Variants in ADAMTSL1 observed in about 807,000 individuals in gnomAD.
ADAMTSL1 encodes the protein ADAMTS-like protein 1.
In ADAMTSL1, 126 loss-of-function variants were observed where a neutral mutation model predicts 201.8. The observed-to-expected ratio is 0.62, with a 90% confidence interval of 0.54 to 0.72. The LOEUF (loss-of-function observed/expected upper bound fraction) is 0.72, where lower values mean the gene tolerates loss of function less well. Among genes scored for constraint, ADAMTSL1 ranks in the 30% least tolerant of loss-of-function variants. The probability of loss-of-function intolerance (pLI) is 0.00; values close to 1 mark genes in which losing one functional copy is unlikely to be tolerated. For missense variants in ADAMTSL1, 2,679 were observed against 2,277.8 expected (o/e 1.18, Z -3.59); for synonymous variants, 1,121 against 903.4 (o/e 1.24, Z -4.32).
chr9:18,084,644 C>T (rs967782595), intron 1 of ADAMTSL1, among the ~76,000 whole-genome samples: 3 of 152,074 alleles, frequency 2.0e-5, no homozygotes, highest in Admixed American at 6.6e-5. Flanking sequence ...TTACACCGTA[C>T]AGCTCAAGCT....
At chr9:17,952,000 T>C (rs1026721396) in intron 1 of ADAMTSL1, among the ~76,000 whole-genome samples, 4 of 152,056 alleles carry the variant, frequency 2.6e-5, no homozygotes, top group African/African-American at 9.7e-5. Context: ...TAGGTCTCAC[T>C]GTATTGCCCA....
At chr9:18,512,763 G>A (rs547187292) in intron 2 of ADAMTSL1, among the ~76,000 whole-genome samples, 6 of 152,206 alleles carry the variant, frequency 3.9e-5, no homozygotes, top group Middle Eastern at 6.8e-3. Flanking sequence ...TATTCTGGTA[G>A]CATCATTTTA....
chr9:18,774,385 T>C (rs1820863657), intron 17 of ADAMTSL1, among the ~76,000 whole-genome samples: 1 of 152,150 alleles, frequency 6.6e-6, no homozygotes, highest in African/African-American at 2.4e-5. Flanking sequence ...CAAACTGTTC[T>C]GTCCCATGCC....
chr9:18,477,791 G>C (rs1236943169), intron 1 of ADAMTSL1, among the ~76,000 whole-genome samples: 1 of 152,052 alleles, frequency 6.6e-6, no homozygotes, highest in Non-Finnish European at 1.5e-5. Flanking sequence ...GTTTACTCAG[G>C]CTCCTGTTTT....
At chr9:18,100,329 A>G (rs959058886) in intron 1 of ADAMTSL1, among the ~76,000 whole-genome samples, 2 of 152,102 alleles carry the variant, frequency 1.3e-5, no homozygotes, top group African/African-American at 2.4e-5. Context: ...CACCCAGGCT[A>G]GAGTACAGTG....
At chr9:18,227,320 C>T (rs916937289) in intron 2 of ADAMTSL1, among the ~76,000 whole-genome samples, 5 of 151,944 alleles carry the variant, frequency 3.3e-5, no homozygotes, top group African/African-American at 9.7e-5. Context: ...AAATCAGATA[C>T]CCTACCCCAA....
intron 23 of ADAMTSL1, among the ~76,000 whole-genome samples, chr9:18,852,404 G>C (rs1425561912): frequency 6.6e-6 from 1 of 152,254 alleles, no homozygotes; most frequent in East Asian, 1.9e-4. Flanking sequence ...GGTAGTACTT[G>C]CTCTTGCCCC....
At chr9:18,422,260 G>T (rs1442772419) in intron 2 of ADAMTSL1, among the ~76,000 whole-genome samples, 3 of 152,084 alleles carry the variant, frequency 2.0e-5, no homozygotes, top group Admixed American at 6.5e-5. Context: ...TTTGGATGAG[G>T]TTCCTAAAAG....
At chr9:18,510,661 T>C (rs1202132301) in intron 2 of ADAMTSL1, among the ~76,000 whole-genome samples, 1 of 152,008 alleles carries the variant, frequency 6.6e-6, no homozygotes, top group Non-Finnish European at 1.5e-5. Context: ...CTTTACTAAT[T>C]TTGTAAGGTT....
chr9:18,102,901 C>A (rs1483097160), intron 1 of ADAMTSL1, among the ~76,000 whole-genome samples: 1 of 152,088 alleles, frequency 6.6e-6, no homozygotes, highest in Admixed American at 6.6e-5. Context: ...GAGGGTCAGT[C>A]AGAGAGGGAA....
At chr9:18,017,721 A>G (rs77743893) in intron 1 of ADAMTSL1, among the ~76,000 whole-genome samples, 2,539 of 152,074 alleles carry the variant, frequency 0.017, 31 homozygotes, top group Non-Finnish European at 0.027. Flanking sequence ...GCTACGTTTC[A>G]ATTTAGGTAA....
At chr9:18,033,289 G>T (rs548751709) in intron 1 of ADAMTSL1, among the ~76,000 whole-genome samples, 5 of 152,172 alleles carry the variant, frequency 3.3e-5, no homozygotes, top group Non-Finnish European at 7.4e-5. Flanking sequence ...CATCTAATGG[G>T]TGTATTAATT....
At chr9:18,433,319 C>T (rs964301640) in intron 2 of ADAMTSL1, among the ~76,000 whole-genome samples, 36 of 152,000 alleles carry the variant, frequency 2.4e-4, no homozygotes, top group Non-Finnish European at 4.3e-4. Context: ...TGCGTTCTTT[C>T]CCCTAAAAGA....
chr9:18,444,507 C>T (rs1820114896), intron 2 of ADAMTSL1, among the ~76,000 whole-genome samples: 1 of 152,128 alleles, frequency 6.6e-6, no homozygotes, highest in Admixed American at 6.6e-5. Flanking sequence ...TAACATTTCA[C>T]TAGACTCTAC....
chr9:18,503,980 ATGTG>A (rs57749719), intron 1 of ADAMTSL1, among the ~76,000 whole-genome samples: 6 of 148,030 alleles, frequency 4.1e-5, no homozygotes, highest in South Asian at 2.2e-4. Flanking sequence ...ATGTGCATGC[ATGTG>A]TGTGTGTGTG....
At chr9:18,386,149 G>T (rs1179054636) in intron 2 of ADAMTSL1, among the ~76,000 whole-genome samples, 1 of 151,916 alleles carries the variant, frequency 6.6e-6, no homozygotes, top group African/African-American at 2.4e-5. Context: ...GTTCTTTTAG[G>T]ACTCACTGTC....
At chr9:18,166,247 C>T (rs990367350) in intron 2 of ADAMTSL1, among the ~76,000 whole-genome samples, 5 of 151,896 alleles carry the variant, frequency 3.3e-5, no homozygotes, top group East Asian at 1.9e-4. Flanking sequence ...TTTAGCCCAG[C>T]ACTTGCTTCT....
At chr9:17,969,966 G>T (rs567034105) in intron 1 of ADAMTSL1, among the ~76,000 whole-genome samples, 1 of 152,140 alleles carries the variant, frequency 6.6e-6, no homozygotes, top group Non-Finnish European at 1.5e-5. Flanking sequence ...AATAAAAGTT[G>T]AGGATAATAA....
At chr9:18,627,500 T>C (rs754846921) in intron 5 of ADAMTSL1, among the ~76,000 whole-genome samples, 2 of 152,350 alleles carry the variant, frequency 1.3e-5, no homozygotes, top group East Asian at 1.9e-4. Flanking sequence ...TAGGTTTCAC[T>C]GGGCTAAAAA....
Sources: gnomAD v4.1 joint callset for allele counts (sites outside exome capture counted in the v4.1 genomes callset) on GRCh38, gnomAD v4.1.1 for gene constraint, MANE v1.5 for transcripts, NCBI Gene and HGNC (gene_info 2026-07-23, HGNC 2026-07-21) for gene names.